NRDC: variants seen among roughly 807,000 people sequenced by gnomAD.
NRDC encodes nardilysin convertase.
NRDC carries 54 observed loss-of-function variants against 147.1 expected under a neutral mutation model. The observed-to-expected ratio is 0.37, with a 90% confidence interval of 0.29 to 0.46. The LOEUF is 0.46. NRDC is among the 20% of genes least tolerant of loss of function. The probability of loss-of-function intolerance (pLI) is 1.00; values close to 1 mark genes in which losing one functional copy is unlikely to be tolerated. For synonymous variants in NRDC, 440 were observed against 482.1 expected (o/e 0.91, Z 1.14); for missense variants, 1,082 against 1,370.6 (o/e 0.79, Z 3.33).
chr1:51,878,698 G>A lies in NRDC; in HGVS notation c.-83C>T, dbSNP rs1683457027. The A allele has an allele frequency of 5.5e-6, 7 of 1,266,100 alleles. No individual in the cohort carries two copies. The highest frequency in any genetic ancestry group is 2.5e-5 in the East Asian group (1 of 39,522). 78.4% of individuals were successfully genotyped at this position (1,266,100 alleles called of 1,614,324 possible). On this transcript the variant is annotated 5_prime_UTR_variant, in exon 1 of 31. Coordinates refer to ENST00000352171, the MANE Select transcript of NRDC (RefSeq NM_001101662.2). ...TCTAGAGGCGGTGGCGGCCGGCCCT[G>A]GTGCTGCCGCAGCCGCGGGGAACAG...
At chr1:51,856,643 C>A (rs563480353) in intron 1 of NRDC, among the ~76,000 whole-genome samples, 1 of 152,236 alleles carries the variant, frequency 6.6e-6, no homozygotes, top group South Asian at 2.1e-4. Context: ...CCAAGAACCT[C>A]CACGTGTTGA....
chr1:51,794,666 C>A, intron 23 of NRDC, 56 bp from the exon 24 acceptor site: 1 of 1,600,602 alleles, frequency 6.2e-7, no homozygotes, highest in Non-Finnish European at 8.5e-7. Flanking sequence ...AGAAGCTAGG[C>A]CTTCTAACTT....
chr1:51,806,679 C>T, intron 18 of NRDC, 115 bp downstream of exon 18: 2 of 1,112,838 alleles, frequency 1.8e-6, no homozygotes, highest in Non-Finnish European at 2.6e-6. Context: ...CACCCAGCCC[C>T]AGCCTCCTCC....
intron 22 of NRDC, among the ~76,000 whole-genome samples, chr1:51,796,186 CAATT>C (rs1678896796): frequency 6.6e-6 from 1 of 151,886 alleles, no homozygotes; most frequent in Admixed American, 6.6e-5. Context: ...CAGCCTTAAG[CAATT>C]ATTTTTCATT....
chr1:51,799,808 T>C (rs537507049), intron 21 of NRDC, among the ~76,000 whole-genome samples: 31 of 152,342 alleles, frequency 2.0e-4, no homozygotes, highest in Non-Finnish European at 3.7e-4. Context: ...GCAGAGGGTT[T>C]AAGTATTAGC....
intron 9 of NRDC, among the ~76,000 whole-genome samples, chr1:51,819,444 G>C (rs963156131): frequency 1.3e-5 from 2 of 152,168 alleles, no homozygotes; most frequent in Non-Finnish European, 2.9e-5. Flanking sequence ...GATTGCCAAA[G>C]TGTTTTCCCT....
chr1:51,854,124 C>A (rs1307023401), intron 1 of NRDC, among the ~76,000 whole-genome samples: 1 of 152,156 alleles, frequency 6.6e-6, no homozygotes, highest in Non-Finnish European at 1.5e-5. Context: ...AATCCCAGCA[C>A]TTTGGGAGGC....
intron 1 of NRDC, among the ~76,000 whole-genome samples, chr1:51,853,239 A>G (rs1571907865): frequency 6.6e-6 from 1 of 150,460 alleles, no homozygotes; most frequent in African/African-American, 2.4e-5. Flanking sequence ...ATATATATAT[A>G]TTATATAAAA....
rs765022918 is a variant in NRDC, at chr1:51,825,356, C to T, written c.967G>A (p.Ala323Thr). ...CCAAACAACATTTCCTTTCTGTTTG[C>T]ATCAGAAGGCCTTGCAAGTTGATAT... is the stretch of plus-strand genomic sequence containing the variant. ...SEYQLARPSD[A>T]NRKEMLFGSL... The change falls in exon 6 of 31, where the codon GCA becomes ACA. Residue 323 changes from alanine to threonine, a missense_variant. Coordinates refer to ENST00000352171, the MANE Select transcript of NRDC (RefSeq NM_001101662.2). 3 of 1,587,972 alleles carry T rather than the reference C, an allele frequency of 1.9e-6. No individual in the cohort carries two copies. Among genetic ancestry groups the T allele is most frequent in the East Asian group, 2.3e-5 (1 of 43,722 alleles).
intron 2 of NRDC, 123 bp from the exon 3 acceptor site, chr1:51,836,335 T>G: frequency 6.2e-7 from 1 of 1,605,702 alleles, no homozygotes; most frequent in Non-Finnish European, 8.5e-7. Flanking sequence ...ATTCTTTCCC[T>G]GAGAATCAGG....
chr1:51,843,500 C>T (rs1681376562), intron 1 of NRDC, among the ~76,000 whole-genome samples: 1 of 152,114 alleles, frequency 6.6e-6, no homozygotes, highest in African/African-American at 2.4e-5. Flanking sequence ...GACTCAAAGT[C>T]CTTTTTCTTT....
At chr1:51,874,550 A>G (rs1187197877) in intron 1 of NRDC, among the ~76,000 whole-genome samples, 1 of 151,900 alleles carries the variant, frequency 6.6e-6, no homozygotes, top group Non-Finnish European at 1.5e-5. Context: ...TCGAGGCTGC[A>G]GTGAGCCGTG....
intron 14 of NRDC, among the ~76,000 whole-genome samples, 178 bp from the exon 15 acceptor site, chr1:51,812,276 C>T (rs558689839): frequency 6.6e-5 from 10 of 152,358 alleles, no homozygotes; most frequent in African/African-American, 2.4e-4. Context: ...GACATAGTGG[C>T]TCACGCCTGT....
intron 28 of NRDC, 70 bp from the exon 29 acceptor site, chr1:51,790,719 T>C (rs1678586775): frequency 1.8e-6 from 2 of 1,098,070 alleles, no homozygotes; most frequent in Admixed American, 1.7e-5. Flanking sequence ...CACTGGGCCC[T>C]GTCCAGCCCG....
At chr1:51,869,423 C>A (rs527835950) in intron 1 of NRDC, among the ~76,000 whole-genome samples, 4 of 152,136 alleles carry the variant, frequency 2.6e-5, no homozygotes, top group Admixed American at 2.6e-4. Context: ...CATCCCTAAT[C>A]GTTTCTGTAC....
chr1:51,878,668 C>T lies in NRDC; in HGVS notation c.-53G>A. The T allele has an allele frequency of 4.0e-6, 6 of 1,506,358 alleles. No individual in the cohort carries two copies. The highest frequency in any genetic ancestry group is 5.4e-6 in the Non-Finnish European group (6 of 1,108,120). The allele number at this position is 1,506,358 out of a possible 1,614,324, so 93.3% of individuals were successfully genotyped here. A position where few individuals can be genotyped will look rare whatever the true frequency, so the allele number is the denominator to read the frequency against. On this transcript the variant is annotated 5_prime_UTR_variant, in exon 1 of 31. Coordinates refer to ENST00000352171, the MANE Select transcript of NRDC (RefSeq NM_001101662.2). ...CCCGCTTCCCAGGACCCACCTCCTC[C>T]GCGTTCTAGAGGCGGTGGCGGCCGG...
chr1:51,816,724 T>C (rs776766084), intron 10 of NRDC, among the ~76,000 whole-genome samples: 8 of 152,184 alleles, frequency 5.3e-5, no homozygotes, highest in Non-Finnish European at 1.2e-4. Flanking sequence ...GTCTAGAACC[T>C]AATATAGGTA....
At chr1:51,847,021 GAC>G (rs1681664165) in intron 1 of NRDC, among the ~76,000 whole-genome samples, 2 of 144,570 alleles carry the variant, frequency 1.4e-5, no homozygotes, top group Non-Finnish European at 1.6e-5. Flanking sequence ...CCTTGAGATA[GAC>G]ACAGAGTGCC....
intron 4 of NRDC, among the ~76,000 whole-genome samples, chr1:51,833,412 C>T (rs1680805535): frequency 6.7e-6 from 1 of 149,404 alleles, no homozygotes; most frequent in East Asian, 2.0e-4. Context: ...GCACTCCAGC[C>T]TAGGCACCAT....
Sources: allele counts gnomAD v4.1 joint callset (sites outside exome capture counted in the v4.1 genomes callset), GRCh38; gene constraint gnomAD v4.1.1; transcripts MANE v1.5; gene names NCBI Gene and HGNC (gene_info 2026-07-23, HGNC 2026-07-21).